UGT1A8: variants seen among roughly 807,000 people sequenced by gnomAD.
UGT1A8 encodes the protein UDP-glucuronosyltransferase 1A8.
UGT1A8 carries 39 observed loss-of-function variants against 45.3 expected under a neutral mutation model. The ratio of observed to expected loss-of-function variants is 0.86; its 90% CI spans 0.67 to 1.12. UGT1A8 has a LOEUF of 1.12. UGT1A8 is among the 50% of genes most tolerant of loss of function. UGT1A8 has a pLI of 0.00. For synonymous variants in UGT1A8, 275 were observed against 249.2 expected (o/e 1.10, Z -0.97); for missense variants, 719 against 664.9 (o/e 1.08, Z -0.90).
At chr2:233,735,136 T>C (rs2078611903) in intron 1 of UGT1A8, among the ~76,000 whole-genome samples, 1 of 152,178 alleles carries the variant, frequency 6.6e-6, no homozygotes, top group African/African-American at 2.4e-5. Context: ...TCATTATTAT[T>C]GTGTGGGAGT....
At chr2:233,650,737 A>G (rs2073717676) in intron 1 of UGT1A8, among the ~76,000 whole-genome samples, 1 of 152,116 alleles carries the variant, frequency 6.6e-6, no homozygotes, top group African/African-American at 2.4e-5. Flanking sequence ...GCTTTTTTCC[A>G]ACTGATGTCC....
rs1269387628 is a variant in UGT1A8, at chr2:233,624,759, C to A, written c.855+6197C>A. On this transcript the variant is annotated intron_variant, in intron 1 of 4. Transcript: ENST00000373450. ...AATTTATAGATCAACTGGGGAGAAA[C>A]AACATCTTAGCAATTTTGAATTTTC... is the stretch of plus-strand genomic sequence containing the variant. 2.0e-5 allele frequency among the ~76,000 whole-genome samples: 3 copies of A among 152,036 alleles called. No homozygotes were observed. In the East Asian group the frequency reaches 5.8e-4, roughly 29 times the overall value.
intron 1 of UGT1A8, among the ~76,000 whole-genome samples, chr2:233,630,993 A>G (rs1260412744): frequency 6.6e-6 from 1 of 150,448 alleles, no homozygotes; most frequent in African/African-American, 2.5e-5. Flanking sequence ...CTAGGCCCTC[A>G]CCCCCCGACA....
intron 1 of UGT1A8, among the ~76,000 whole-genome samples, chr2:233,757,535 A>AATATATATACATATACATATATAC (rs376887521): frequency 2.4e-4 from 21 of 88,296 alleles, no homozygotes; most frequent in African/African-American, 1.1e-3. Context: ...GCCTGTAAGG[A>AATATATATACATATACATATATAC]ATATATATAT....
intron 1 of UGT1A8, among the ~76,000 whole-genome samples, chr2:233,711,833 G>T (rs961269951): frequency 6.6e-6 from 1 of 152,218 alleles, no homozygotes; most frequent in African/African-American, 2.4e-5. Flanking sequence ...GGACAAGGAG[G>T]CGTCAGCAAT....
chr2:233,650,621 C>CT (rs140495717), intron 1 of UGT1A8, among the ~76,000 whole-genome samples: 44 of 152,174 alleles, frequency 2.9e-4, no homozygotes, highest in Non-Finnish European at 5.0e-4. Flanking sequence ...TTCCCATTAA[C>CT]TTTTTTTTAA....
intron 1 of UGT1A8, chr2:233,747,623 G>A: frequency 6.3e-7 from 1 of 1,577,752 alleles, no homozygotes; most frequent in Non-Finnish European, 8.7e-7. Flanking sequence ...ATGAGGCCCT[G>A]ATCAGGCACC....
intron 1 of UGT1A8, among the ~76,000 whole-genome samples, chr2:233,687,284 C>T (rs901760088): frequency 6.6e-6 from 1 of 152,148 alleles, no homozygotes; most frequent in African/African-American, 2.4e-5. Context: ...CTCTTCAGAA[C>T]AACATGGTGA....
intron 1 of UGT1A8, among the ~76,000 whole-genome samples, chr2:233,627,676 C>T (rs1013438550): frequency 2.0e-5 from 3 of 150,180 alleles, no homozygotes; most frequent in Admixed American, 6.7e-5. Context: ...TTCCTTCCTT[C>T]CTTCTTTCTT....
intron 1 of UGT1A8, among the ~76,000 whole-genome samples, chr2:233,639,796 CT>C (rs2073401931): frequency 6.6e-6 from 1 of 152,188 alleles, no homozygotes; most frequent in African/African-American, 2.4e-5. Context: ...AGGGGACAAA[CT>C]TTTAAACTAT....
At chr2:233,636,857 C>A in intron 1 of UGT1A8, 1 of 1,614,194 alleles carries the variant, frequency 6.2e-7, no homozygotes, top group South Asian at 1.1e-5. Flanking sequence ...TTAATGAGTT[C>A]ATCCAGTGGT....
At chr2:233,628,077 A>G (rs1317829814) in intron 1 of UGT1A8, among the ~76,000 whole-genome samples, 4 of 152,112 alleles carry the variant, frequency 2.6e-5, no homozygotes, top group Non-Finnish European at 5.9e-5. Context: ...GTAGTGTAGT[A>G]TATACTATAG....
rs952299246 is a variant in UGT1A8, at chr2:233,634,736, G to A, written c.855+16174G>A. On this transcript the variant is annotated intron_variant, in intron 1 of 4. Transcript: ENST00000373450. ...GGTCTTCTGAATGCAGCACACTGAT[G>A]GGTCTTGACTGTTTATCCAATTTGC... Among the ~76,000 whole-genome samples, 15 of 141,084 alleles carry A rather than the reference G, an allele frequency of 1.1e-4. 1 individual carries two copies. The highest frequency in any genetic ancestry group is 4.1e-4 in the African/African-American group (15 of 36,456). The allele number at this position is 141,084 out of a possible 152,430, so 92.6% of individuals were successfully genotyped here.
In UGT1A8 at chr2:233,748,281, A is replaced by G. The variant is rs187598208; in HGVS notation, c.856-18753A>G. 1.2e-3 allele frequency among the ~76,000 whole-genome samples: 189 copies of G among 151,888 alleles called. 5 individuals are homozygous for G. The highest frequency in any genetic ancestry group is 4.3e-3 in the African/African-American group (178 of 41,188). ...TTAAATGGTCAATGAGAGGAAGAAG[A>G]GGCAGACATGAATGTTTATCAAAGG... On this transcript the variant is annotated intron_variant, in intron 1 of 4. Coordinates refer to ENST00000373450, the MANE Select transcript of UGT1A8 (RefSeq NM_019076.5).
In UGT1A8 at chr2:233,767,938, T is replaced by G. The variant is rs779261748; in HGVS notation, c.1075+2T>G. The G allele has an allele frequency of 6.2e-7, 1 of 1,614,194 alleles. No individual in the cohort carries two copies. Among genetic ancestry groups the G allele is most frequent in the South Asian group, 1.1e-5 (1 of 91,090 alleles). ...GGCTACCCCAAAACGATCTGCTTGG[T>G]ATGTTGGGCGGATTGGATGTATAGG... On this transcript the variant is annotated splice_donor_variant, in intron 3 of 4. Transcript: ENST00000373450. LOFTEE classifies it high-confidence loss of function.
At chr2:233,619,348 T>A (rs2072958344) in intron 1 of UGT1A8, among the ~76,000 whole-genome samples, 1 of 152,190 alleles carries the variant, frequency 6.6e-6, no homozygotes. Flanking sequence ...TATTGATATA[T>A]GTTTAGGCAT....
At chr2:233,743,391 G>C in intron 1 of UGT1A8, 1 of 1,255,182 alleles carries the variant, frequency 8.0e-7, no homozygotes, top group Non-Finnish European at 1.1e-6. Context: ...AGGACATGCA[G>C]AAGGAAGAAA....
intron 1 of UGT1A8, chr2:233,729,832 T>G (rs1469458626): frequency 1.2e-6 from 2 of 1,613,822 alleles, no homozygotes; most frequent in African/African-American, 1.3e-5. Context: ...AAGCCTTGCC[T>G]CTGAGCTTTT....
At chr2:233,760,728 C>T (rs1697540030) in intron 1 of UGT1A8, 1 of 1,614,064 alleles carries the variant, frequency 6.2e-7, no homozygotes, top group African/African-American at 1.3e-5. Context: ...GCTTTGATGT[C>T]ATGCTGACGG....
Sources: gnomAD v4.1 joint callset for allele counts (sites outside exome capture counted in the v4.1 genomes callset) on GRCh38, gnomAD v4.1.1 for gene constraint, MANE v1.5 for transcripts, NCBI Gene and HGNC (gene_info 2026-07-23, HGNC 2026-07-21) for gene names.